The following KCNQ1 variants were observed in gnomAD, a reference collection of about 807,000 sequenced individuals.
KCNQ1 encodes the protein potassium voltage-gated channel subfamily Q member 1, also known as potassium voltage-gated channel subfamily KQT member 1.
A neutral mutation model predicts 72.4 loss-of-function variants in KCNQ1; 49 were observed. The observed-to-expected ratio is 0.68, with a 90% confidence interval of 0.54 to 0.86. KCNQ1 has a LOEUF of 0.86. Ranked by LOEUF, KCNQ1 falls within the 40% of genes least tolerant of loss-of-function variation. The pLI is 0.00. For missense variants in KCNQ1, 790 were observed against 945.1 expected, an observed-to-expected ratio of 0.84 and a Z score of 2.15; for synonymous variants, 450 against 412.6, an observed-to-expected ratio of 1.09 and a Z score of -1.10.
rs184904689 is a variant in KCNQ1, at chr11:2,475,770, T to C, written c.386+30286T>C. ...CCTGTGCTGTTCTCGTAATAGTGAA[T>C]ACGTCTCATAAGATCTGATGGTTTT... On this transcript the variant is annotated intron_variant, in intron 1 of 15. Transcript: ENST00000155840. The surrounding 1 kb of genome is among the most constrained non-coding windows in gnomAD (Gnocchi z 5.8). 2.0e-5 allele frequency among the ~76,000 whole-genome samples: 3 copies of C among 152,330 alleles called. No homozygotes were observed. Among genetic ancestry groups the C allele is most frequent in the South Asian group, 2.1e-4 (1 of 4,824 alleles).
chr11:2,574,441 G>C (rs1412049808), intron 6 of KCNQ1, among the ~76,000 whole-genome samples: 8 of 152,270 alleles, frequency 5.3e-5, no homozygotes, highest in Admixed American at 3.3e-4. Flanking sequence ...TGGGAGCCAA[G>C]GCCTGGGGGC....
At position 2,710,973 on chromosome 11, in the gene KCNQ1, CA is replaced by C. The variant is rs569466214; in HGVS notation, c.1514+48893del. ...GGCTATTCTGGGTCCCTTGAATTTC[CA>C]TATGAATTTTACAATCAGCTTGTCA... is the stretch of plus-strand genomic sequence containing the variant. On this transcript the variant is annotated intron_variant, in intron 11 of 15. Coordinates refer to ENST00000155840, the MANE Select transcript of KCNQ1 (RefSeq NM_000218.3). The surrounding 1 kb of genome is among the most constrained non-coding windows in gnomAD (Gnocchi z 4.1). 6.9e-3 allele frequency among the ~76,000 whole-genome samples: 1,051 copies of C among 152,134 alleles called. 6 individuals carry two copies. Among genetic ancestry groups the C allele is most frequent in the Non-Finnish European group, 0.01 (710 of 68,000 alleles).
intron 10 of KCNQ1, chr11:2,641,544 T>A (rs1017105819): frequency 5.0e-6 from 2 of 398,386 alleles, no homozygotes; most frequent in African/African-American, 4.1e-5. Context: ...TAGTACCTTG[T>A]CAGATGAGTA....
chr11:2,490,475 C>T (rs1174816917), intron 1 of KCNQ1, among the ~76,000 whole-genome samples: 1 of 152,004 alleles, frequency 6.6e-6, no homozygotes, highest in Admixed American at 6.6e-5. Flanking sequence ...TGGGTGAAAC[C>T]CAGTGATGTG....
chr11:2,592,414 T>C lies in KCNQ1; in HGVS notation c.1393+3560T>C, dbSNP rs1386703600. ...TAACCTGCAGCAAAAATGGGCTGTG[T>C]GGTCCCTGTAGAGCAGCCTCACTGA... On this transcript the variant is annotated intron_variant, in intron 10 of 15. Transcript: ENST00000155840. The surrounding 1 kb of genome is among the most constrained non-coding windows in gnomAD (Gnocchi z 5.2). Among the ~76,000 whole-genome samples the C allele has an allele frequency of 2.0e-5, 3 of 152,032 alleles. No homozygotes were observed. Among genetic ancestry groups the C allele is most frequent in the Non-Finnish European group, 4.4e-5 (3 of 67,988 alleles).
intron 11 of KCNQ1, among the ~76,000 whole-genome samples, chr11:2,714,534 CT>C (rs1851056843): frequency 6.6e-6 from 1 of 152,138 alleles, no homozygotes; most frequent in Non-Finnish European, 1.5e-5. Context: ...CATAGGTGCT[CT>C]AGATAGATGG....
intron 15 of KCNQ1, among the ~76,000 whole-genome samples, chr11:2,835,110 C>T (rs382431): frequency 1.3e-5 from 2 of 152,180 alleles, no homozygotes; most frequent in African/African-American, 4.8e-5. Flanking sequence ...GCCCGCCCGT[C>T]TGGGTCAGCC....
At chr11:2,777,868 G>C in intron 14 of KCNQ1, 108 bp from the exon 15 acceptor site, 1 of 895,278 alleles carries the variant, frequency 1.1e-6, no homozygotes, top group Non-Finnish European at 1.9e-6. Context: ...TAGGCATTTT[G>C]ACTCTCAGCT....
At chr11:2,731,039 C>T (rs1286040810) in intron 11 of KCNQ1, among the ~76,000 whole-genome samples, 2 of 152,258 alleles carry the variant, frequency 1.3e-5, no homozygotes, top group East Asian at 3.8e-4. Context: ...TGGGAGCAAA[C>T]ACTTCCTTTG....
chr11:2,618,504 G>C, intron 10 of KCNQ1: 1 of 398,476 alleles, frequency 2.5e-6, no homozygotes, highest in Non-Finnish European at 4.4e-6. Context: ...AAAATTGGTT[G>C]ATCATATATC....
chr11:2,605,631 T>G (rs1208702252), intron 10 of KCNQ1, among the ~76,000 whole-genome samples: 1 of 152,220 alleles, frequency 6.6e-6, no homozygotes, highest in South Asian at 2.1e-4. Flanking sequence ...CTGATTCTAT[T>G]CCCTTGATCT....
intron 15 of KCNQ1, among the ~76,000 whole-genome samples, chr11:2,831,027 C>T (rs868039137): frequency 6.6e-6 from 1 of 152,232 alleles, no homozygotes; most frequent in Admixed American, 6.5e-5. Flanking sequence ...CCCCAGCACC[C>T]GCCCAATGGG....
chr11:2,746,275 G>A lies in KCNQ1; in HGVS notation c.1515-22569G>A, dbSNP rs1846137467. 6.6e-6 allele frequency among the ~76,000 whole-genome samples: 1 copy of A among 152,188 alleles called. No homozygotes were observed. The highest frequency in any genetic ancestry group is 1.5e-5 in the Non-Finnish European group (1 of 68,028). ...AAAATTCTTACACAGGTGGCACCAA[G>A]AGTCCCCAGGTGCCCTTCCCCCAGC... On this transcript the variant is annotated intron_variant, in intron 11 of 15. Coordinates refer to ENST00000155840, the MANE Select transcript of KCNQ1 (RefSeq NM_000218.3). This position sits in a 1 kb window ranked among gnomAD's most constrained non-coding sequence, Gnocchi z 5.9.
Position 2,768,829 on chromosome 11 carries a change from C to A in KCNQ1, c.1515-15C>A, listed in dbSNP as rs1452165344. On this transcript the variant is annotated splice_polypyrimidine_tract_variant and intron_variant, in intron 11 of 15. Coordinates refer to ENST00000155840, the MANE Select transcript of KCNQ1 (RefSeq NM_000218.3). This position sits in a 1 kb window ranked among gnomAD's most constrained non-coding sequence, Gnocchi z 6.7. Reference sequence around the variant, plus strand: ...GGGTGGCCACTCACAATCTCCTCTCCTCTCTCCACTGCAGGCTGCGGGAAC... The same window carrying A: ...GGGTGGCCACTCACAATCTCCTCTCATCTCTCCACTGCAGGCTGCGGGAAC... The A allele has an allele frequency of 1.2e-6, 2 of 1,612,108 alleles. No homozygotes were observed. Among genetic ancestry groups the A allele is most frequent in the South Asian group, 1.1e-5 (1 of 91,044 alleles).
At position 2,679,940 on chromosome 11, in the gene KCNQ1, C is replaced by T. The variant is rs532384217; in HGVS notation, c.1514+17859C>T. 3.6e-4 allele frequency: 143 copies of T among 397,122 alleles called. No homozygotes were observed. Among genetic ancestry groups the T allele is most frequent in the African/African-American group, 2.4e-3 (118 of 48,530 alleles). The allele number at this position is 397,122 out of a possible 1,614,324, so 24.6% of individuals were successfully genotyped here. On this transcript the variant is annotated intron_variant, in intron 11 of 15. Transcript: ENST00000155840. The surrounding 1 kb of genome is among the most constrained non-coding windows in gnomAD (Gnocchi z 4.8). Reference sequence around the variant, plus strand: ...GCAGAGTCTCACTTTGTCACCTAGGCGGGAATGCAGTGGCACAGTCTCGGC... The same window carrying T: ...GCAGAGTCTCACTTTGTCACCTAGGTGGGAATGCAGTGGCACAGTCTCGGC...
At chr11:2,529,851 G>A (rs1284381377) in intron 2 of KCNQ1, among the ~76,000 whole-genome samples, 1 of 152,148 alleles carries the variant, frequency 6.6e-6, no homozygotes, top group African/African-American at 2.4e-5. Context: ...CAGGCGGGGG[G>A]TGCGCACCTC....
intron 1 of KCNQ1, among the ~76,000 whole-genome samples, chr11:2,523,702 A>G (rs1440685290): frequency 2.0e-5 from 3 of 149,380 alleles, no homozygotes; most frequent in Non-Finnish European, 4.4e-5. Context: ...AGGGCAGAGG[A>G]GCTGCAGGTA....
chr11:2,596,515 A>C (rs1848734929), intron 10 of KCNQ1, among the ~76,000 whole-genome samples: 1 of 152,186 alleles, frequency 6.6e-6, no homozygotes. Context: ...TTAGAAATAC[A>C]AAGGAATGAA....
Position 2,654,873 on chromosome 11 carries a change from T to C in KCNQ1, c.1394-7088T>C, listed in dbSNP as rs1181472218. On this transcript the variant is annotated intron_variant, in intron 10 of 15. Transcript: ENST00000155840. This position sits in a 1 kb window ranked among gnomAD's most constrained non-coding sequence, Gnocchi z 6.4. Reference sequence around the variant, plus strand: ...GCTCCAGGCCAGGTGGAGGGACATATTCTGGCAACTCTAGGATAAGATGTG... The same window carrying C: ...GCTCCAGGCCAGGTGGAGGGACATACTCTGGCAACTCTAGGATAAGATGTG... 1 of 398,478 alleles carries C rather than the reference T, an allele frequency of 2.5e-6. No individual in the cohort carries two copies. Among genetic ancestry groups the C allele is most frequent in the Admixed American group, 4.4e-5 (1 of 22,720 alleles). 24.7% of individuals were successfully genotyped at this position (398,478 alleles called of 1,614,324 possible).
Sources: gnomAD v4.1 joint callset for allele counts (sites outside exome capture counted in the v4.1 genomes callset) on GRCh38, gnomAD v4.1.1 for gene constraint, Gnocchi (gnomAD v3.1) non-coding constraint, MANE v1.5 for transcripts, NCBI Gene and HGNC (gene_info 2026-07-23, HGNC 2026-07-21) for gene names.